Variants in SEMA6D observed in about 807,000 individuals in gnomAD.
The protein encoded by SEMA6D is semaphorin-6D.
In SEMA6D, 35 loss-of-function variants were observed where a neutral mutation model predicts 106.6. The ratio of observed to expected loss-of-function variants is 0.33; its 90% confidence interval spans 0.25 to 0.44. SEMA6D has a LOEUF of 0.44. SEMA6D is among the 20% of genes least tolerant of loss of function. The pLI is 1.00. For missense variants in SEMA6D, 1,185 were observed against 1,345.9 expected (o/e 0.88, Z 1.87); for synonymous variants, 499 against 487.7 (o/e 1.02, Z -0.31).
chr15:47,356,935 G>T (rs1367081454), intron 1 of SEMA6D, among the ~76,000 whole-genome samples: 1 of 152,156 alleles, frequency 6.6e-6, no homozygotes, highest in Non-Finnish European at 1.5e-5. Flanking sequence ...AATCTCAATT[G>T]TTTGTGATCA....
At chr15:47,200,538 A>T (rs990712114) in intron 1 of SEMA6D, among the ~76,000 whole-genome samples, 1 of 152,192 alleles carries the variant, frequency 6.6e-6, no homozygotes, top group African/African-American at 2.4e-5. Context: ...ATTTTAGTCA[A>T]TGTTAATTAT....
intron 4 of SEMA6D, among the ~76,000 whole-genome samples, chr15:47,685,350 G>A (rs1039684613): frequency 1.3e-5 from 2 of 152,184 alleles, no homozygotes; most frequent in African/African-American, 4.8e-5. Flanking sequence ...GGAGAGAGAA[G>A]GGGGATGAGG....
chr15:47,206,422 C>T (rs1181915581), intron 1 of SEMA6D, among the ~76,000 whole-genome samples: 2 of 152,108 alleles, frequency 1.3e-5, no homozygotes, highest in Admixed American at 1.3e-4. Context: ...AAGGCAGAGC[C>T]AGGATTAGCA....
chr15:47,442,480 A>G (rs773461330), intron 2 of SEMA6D, among the ~76,000 whole-genome samples: 1 of 152,100 alleles, frequency 6.6e-6, no homozygotes, highest in Non-Finnish European at 1.5e-5. Flanking sequence ...GCTCACTGCC[A>G]CCAGCTAGTC....
At chr15:47,475,781 A>T (rs2042985405) in intron 3 of SEMA6D, among the ~76,000 whole-genome samples, 2 of 152,192 alleles carry the variant, frequency 1.3e-5, no homozygotes, top group Non-Finnish European at 2.9e-5. Flanking sequence ...TTAAAAAAAT[A>T]ATTACTTTTT....
chr15:47,398,780 A>G (rs1432384025), intron 1 of SEMA6D, among the ~76,000 whole-genome samples: 1 of 152,164 alleles, frequency 6.6e-6, no homozygotes, highest in East Asian at 1.9e-4. Context: ...TCACCCTCTC[A>G]GAAACCAACC....
At chr15:47,577,877 T>A (rs1176738504) in intron 3 of SEMA6D, among the ~76,000 whole-genome samples, 4 of 104,620 alleles carry the variant, frequency 3.8e-5, no homozygotes, top group South Asian at 5.8e-4. Flanking sequence ...TGTAAAAAAA[T>A]GTCTTACTGA....
intron 1 of SEMA6D, among the ~76,000 whole-genome samples, chr15:47,233,262 G>A (rs2032327895): frequency 2.0e-5 from 3 of 151,962 alleles, no homozygotes; most frequent in African/African-American, 4.8e-5. Flanking sequence ...ATAGGCATGA[G>A]TTTACTTCTG....
intron 2 of SEMA6D, among the ~76,000 whole-genome samples, chr15:47,446,108 C>T (rs537683685): frequency 4.7e-4 from 71 of 152,338 alleles, no homozygotes; most frequent in African/African-American, 1.7e-3. Flanking sequence ...TCACCCACCT[C>T]TGTTCATGCT....
intron 1 of SEMA6D, among the ~76,000 whole-genome samples, chr15:47,206,336 G>A (rs1027314457): frequency 3.9e-5 from 6 of 152,162 alleles, no homozygotes; most frequent in Admixed American, 1.3e-4. Flanking sequence ...CAGGTTGGTC[G>A]TGTTGATTTT....
At chr15:47,628,024 T>C (rs917459646) in intron 4 of SEMA6D, among the ~76,000 whole-genome samples, 3 of 152,122 alleles carry the variant, frequency 2.0e-5, no homozygotes, top group Non-Finnish European at 4.4e-5. Context: ...ATAATTTGTT[T>C]CTGTTTCACT....
intron 4 of SEMA6D, among the ~76,000 whole-genome samples, chr15:47,648,750 G>A (rs2077628374): frequency 6.6e-6 from 1 of 152,058 alleles, no homozygotes; most frequent in South Asian, 2.1e-4. Context: ...TCTTAAATGT[G>A]TGTATAGCTC....
intron 4 of SEMA6D, among the ~76,000 whole-genome samples, chr15:47,630,634 G>A (rs1362789531): frequency 1.1e-4 from 16 of 151,678 alleles, no homozygotes; most frequent in Admixed American, 1.1e-3. Flanking sequence ...ATACTGTGTT[G>A]AATAAGAGTA....
At chr15:47,767,510 T>C (rs1845816148) in intron 17 of SEMA6D, 2 of 153,962 alleles carry the variant, frequency 1.3e-5, no homozygotes, top group African/African-American at 4.8e-5. Flanking sequence ...TTCCCATAAA[T>C]GTGTATTTAT....
At chr15:47,287,805 A>G (rs1162991906) in intron 1 of SEMA6D, among the ~76,000 whole-genome samples, 3 of 152,144 alleles carry the variant, frequency 2.0e-5, no homozygotes, top group African/African-American at 4.8e-5. Context: ...TTGCATTGCT[A>G]TGAAGAAGTG....
At chr15:47,624,823 A>G (rs1263566212) in intron 4 of SEMA6D, among the ~76,000 whole-genome samples, 5 of 152,178 alleles carry the variant, frequency 3.3e-5, no homozygotes, top group Non-Finnish European at 7.4e-5. Context: ...TGGCTTTAGC[A>G]GAGTAAGGCA....
chr15:47,407,409 C>CAAA, intron 1 of SEMA6D, among the ~76,000 whole-genome samples: 1 of 118,890 alleles, frequency 8.4e-6, no homozygotes, highest in Non-Finnish European at 1.7e-5. Context: ...ACAACAACAA[C>CAAA]AAAAAAAACA....
intron 3 of SEMA6D, among the ~76,000 whole-genome samples, chr15:47,533,704 A>G (rs920626494): frequency 3.3e-5 from 5 of 152,104 alleles, no homozygotes; most frequent in African/African-American, 1.2e-4. Flanking sequence ...ATTATATTCT[A>G]CTTGTGAGAG....
intron 1 of SEMA6D, among the ~76,000 whole-genome samples, chr15:47,289,727 A>G (rs2035522351): frequency 6.6e-6 from 1 of 152,106 alleles, no homozygotes; most frequent in Non-Finnish European, 1.5e-5. Flanking sequence ...GAGAGGCAGA[A>G]AGAAAAAAAT....
Sources: gnomAD v4.1 joint callset for allele counts (sites outside exome capture counted in the v4.1 genomes callset) on GRCh38, gnomAD v4.1.1 for gene constraint, MANE v1.5 for transcripts, NCBI Gene and HGNC (gene_info 2026-07-23, HGNC 2026-07-21) for gene names.